The following MBNL1 variants were observed in gnomAD, a reference collection of about 807,000 sequenced individuals.
The protein encoded by MBNL1 is muscleblind like splicing regulator 1.
Under a neutral mutation model 42.2 loss-of-function variants are expected in MBNL1, and 8 were observed. The ratio of observed to expected loss-of-function variants is 0.19; its 90% CI spans 0.11 to 0.34. The LOEUF is 0.34. Among genes scored for constraint, MBNL1 ranks in the 10% least tolerant of loss-of-function variants. The probability of loss-of-function intolerance (pLI) is 1.00; values close to 1 mark genes in which losing one functional copy is unlikely to be tolerated. For missense variants in MBNL1, 309 were observed against 495.3 expected (o/e 0.62, Z 3.57); for synonymous variants, 169 against 173.9 (o/e 0.97, Z 0.22).
intron 3 of MBNL1, among the ~76,000 whole-genome samples, chr3:152,422,180 A>T (rs886900185): frequency 1.3e-5 from 2 of 151,660 alleles, no homozygotes; most frequent in Non-Finnish European, 2.9e-5. Flanking sequence ...TGTATTCAGG[A>T]TACCCATCCT....
chr3:152,394,323 CTGTT>C (rs1374390698), intron 2 of MBNL1, among the ~76,000 whole-genome samples: 1 of 152,184 alleles, frequency 6.6e-6, no homozygotes, highest in Non-Finnish European at 1.5e-5. Flanking sequence ...CTTTCACAGA[CTGTT>C]TGCTTAATTG....
At position 152,464,358 on chromosome 3, in the gene MBNL1, A is replaced by C. The variant is rs911782837; in HGVS notation, c.*1992A>C. 1 of 152,574 alleles carries C rather than the reference A, an allele frequency of 6.6e-6. No homozygotes were observed. Among genetic ancestry groups the C allele is most frequent in the African/African-American group, 2.4e-5 (1 of 41,456 alleles). 9.5% of individuals were successfully genotyped at this position (152,574 alleles called of 1,614,324 possible). A position where few individuals can be genotyped will look rare whatever the true frequency, so the allele number is the denominator to read the frequency against. ...ACTGATTTAATATTACAGTGTAAGAATGTCAGTCATTGTTAGTTCTTGTCT... is the reference window on the plus strand; with the variant it reads ...ACTGATTTAATATTACAGTGTAAGACTGTCAGTCATTGTTAGTTCTTGTCT... On this transcript the variant is annotated 3_prime_UTR_variant, in exon 10 of 10. Transcript: ENST00000324210.
intron 2 of MBNL1, among the ~76,000 whole-genome samples, chr3:152,311,956 C>T (rs998989052): frequency 3.3e-5 from 5 of 151,068 alleles, no homozygotes; most frequent in South Asian, 2.1e-4. Context: ...TTTGGGAGGC[C>T]GAGGCGGGCG....
intron 2 of MBNL1, among the ~76,000 whole-genome samples, chr3:152,400,931 A>T (rs1479399345): frequency 6.6e-6 from 1 of 152,236 alleles, no homozygotes; most frequent in Non-Finnish European, 1.5e-5. Context: ...TAGTATATGT[A>T]AACCAACCTG....
intron 1 of MBNL1, among the ~76,000 whole-genome samples, chr3:152,296,734 T>C (rs1206501762): frequency 6.6e-6 from 1 of 151,842 alleles, no homozygotes; most frequent in Non-Finnish European, 1.5e-5. Context: ...GTTCATGTGT[T>C]GTATTCATAT....
intron 2 of MBNL1, among the ~76,000 whole-genome samples, chr3:152,314,669 C>T (rs2069476158): frequency 6.6e-6 from 1 of 152,206 alleles, no homozygotes; most frequent in Non-Finnish European, 1.5e-5. Flanking sequence ...GCCACCATGC[C>T]TGGCCTAGCT....
chr3:152,273,440 C>CT (rs1339764210), intron 1 of MBNL1, among the ~76,000 whole-genome samples: 2 of 152,116 alleles, frequency 1.3e-5, no homozygotes, highest in Non-Finnish European at 2.9e-5. Flanking sequence ...CAGAACATCT[C>CT]TTTCAGATAA....
At position 152,252,274 on chromosome 3, in the gene MBNL1, T is replaced by C. The variant is rs111390620; in HGVS notation, n.333+7834T>C. On this transcript the variant is annotated intron_variant and non_coding_transcript_variant, in intron 2 of 2. Coordinates refer to the MBNL1 transcript ENST00000477171. Reference sequence around the variant, plus strand: ...TTCCTCCTTCCCTTTATTCCTCCCTTCCTCCCCTCCCTCCCTCCCTTTGTT... The same window carrying C: ...TTCCTCCTTCCCTTTATTCCTCCCTCCCTCCCCTCCCTCCCTCCCTTTGTT... 5.9e-3 allele frequency among the ~76,000 whole-genome samples: 873 copies of C among 146,762 alleles called. 9 individuals carry two copies. Among genetic ancestry groups the C allele is most frequent in the African/African-American group, 0.021 (853 of 39,972 alleles).
chr3:152,324,183 T>C (rs964505480), intron 2 of MBNL1, among the ~76,000 whole-genome samples: 20 of 152,324 alleles, frequency 1.3e-4, no homozygotes, highest in African/African-American at 4.6e-4. Flanking sequence ...ATGTCAACTG[T>C]CATTCATAGA....
intron 1 of MBNL1, among the ~76,000 whole-genome samples, chr3:152,283,663 C>G (rs899474038): frequency 6.6e-6 from 1 of 152,170 alleles, no homozygotes; most frequent in African/African-American, 2.4e-5. Context: ...AGGCTGAATT[C>G]TTTAGCCTGC....
intron 2 of MBNL1, among the ~76,000 whole-genome samples, chr3:152,251,826 C>T (rs1476589446): frequency 6.6e-6 from 1 of 151,878 alleles, no homozygotes; most frequent in Non-Finnish European, 1.5e-5. Context: ...AATGATGGCT[C>T]CTCATCAAAA....
intron 2 of MBNL1, among the ~76,000 whole-genome samples, chr3:152,261,984 A>G (rs2036368781): frequency 6.6e-6 from 1 of 152,056 alleles, no homozygotes; most frequent in Non-Finnish European, 1.5e-5. Context: ...GGGTTTGTTG[A>G]ATTTAACTGA....
chr3:152,248,016 G>A (rs771988260), intron 2 of MBNL1, among the ~76,000 whole-genome samples: 4 of 151,352 alleles, frequency 2.6e-5, no homozygotes, highest in Non-Finnish European at 4.4e-5. Flanking sequence ...TTAATATGTA[G>A]TGGTTATCAC....
At chr3:152,381,114 A>G (rs989569912) in intron 2 of MBNL1, among the ~76,000 whole-genome samples, 6 of 152,078 alleles carry the variant, frequency 3.9e-5, no homozygotes, top group African/African-American at 1.4e-4. Context: ...TGTTTTCATT[A>G]TAACAAGTTG....
At chr3:152,425,305 C>CTCA (rs148902077) in intron 3 of MBNL1, among the ~76,000 whole-genome samples, 10,807 of 151,850 alleles carry the variant, frequency 0.071, 501 homozygotes, top group Middle Eastern at 0.16. Flanking sequence ...TGAAAAAAAG[C>CTCA]TCATCATCGG....
At chr3:152,310,011 CAAGT>C (rs1320847799) in intron 2 of MBNL1, among the ~76,000 whole-genome samples, 1 of 152,168 alleles carries the variant, frequency 6.6e-6, no homozygotes, top group Non-Finnish European at 1.5e-5. Flanking sequence ...AGGTAACACA[CAAGT>C]AAGCATTAAA....
intron 2 of MBNL1, among the ~76,000 whole-genome samples, chr3:152,389,048 A>G (rs911718209): frequency 6.6e-6 from 1 of 152,130 alleles, no homozygotes; most frequent in African/African-American, 2.4e-5. Flanking sequence ...ATAGATTTAA[A>G]TGGGGATCAG....
chr3:152,429,999 A>G (rs1166520422), intron 3 of MBNL1, among the ~76,000 whole-genome samples: 1 of 152,256 alleles, frequency 6.6e-6, no homozygotes, highest in Non-Finnish European at 1.5e-5. Flanking sequence ...ACAGTGCCCT[A>G]AAATTGTTCA....
chr3:152,373,121 G>C (rs1402294666), intron 2 of MBNL1, among the ~76,000 whole-genome samples: 1 of 152,070 alleles, frequency 6.6e-6, no homozygotes, highest in East Asian at 1.9e-4. Context: ...ACCTACTCAA[G>C]CCTCAGTAAT....
Sources: gnomAD v4.1 joint callset for allele counts (sites outside exome capture counted in the v4.1 genomes callset) on GRCh38, gnomAD v4.1.1 for gene constraint, MANE v1.5 for transcripts, NCBI Gene and HGNC (gene_info 2026-07-23, HGNC 2026-07-21) for gene names.